RALY: variants seen among roughly 807,000 people sequenced by gnomAD.
RALY encodes the protein RNA-binding protein Raly.
Under a neutral mutation model 30.7 loss-of-function variants are expected in RALY, and 15 were observed. That is an observed-to-expected ratio of 0.49 (90% CI 0.33 to 0.75). The LOEUF (loss-of-function observed/expected upper bound fraction) is 0.75, where lower values mean the gene tolerates loss of function less well. Among genes scored for constraint, RALY ranks in the 30% least tolerant of loss-of-function variants. RALY has a pLI of 0.02. For synonymous variants in RALY, 177 were observed against 170.8 expected (o/e 1.04, Z -0.28); for missense variants, 339 against 414.3 (o/e 0.82, Z 1.58).
At chr20:34,069,132 C>T (rs1288711752) in intron 2 of RALY, among the ~76,000 whole-genome samples, 5 of 152,194 alleles carry the variant, frequency 3.3e-5, no homozygotes, top group East Asian at 1.9e-4. Flanking sequence ...CTGGCTGCCC[C>T]TCCTTGGCAT....
chr20:34,066,882 G>A (rs1376407243), intron 2 of RALY, among the ~76,000 whole-genome samples: 2 of 152,140 alleles, frequency 1.3e-5, no homozygotes, highest in South Asian at 2.1e-4. Context: ...CTAAAATTCT[G>A]TACAACTGTG....
At chr20:34,069,548 A>C (rs1262126210) in intron 2 of RALY, among the ~76,000 whole-genome samples, 1 of 152,142 alleles carries the variant, frequency 6.6e-6, no homozygotes, top group Non-Finnish European at 1.5e-5. Context: ...GAGCTGAACC[A>C]CCTAGGAGAG....
chr20:34,051,730 G>A (rs2033085373), intron 2 of RALY, among the ~76,000 whole-genome samples: 1 of 152,038 alleles, frequency 6.6e-6, no homozygotes, highest in Admixed American at 6.5e-5. Flanking sequence ...CCAGTAGCTG[G>A]GGCTACAGGC....
intron 2 of RALY, among the ~76,000 whole-genome samples, chr20:34,036,868 C>T (rs1356322124): frequency 1.3e-5 from 2 of 151,634 alleles, no homozygotes; most frequent in Non-Finnish European, 2.9e-5. Flanking sequence ...GTTGATTTTG[C>T]TGGTGTTTTC....
intron 4 of RALY, 49 bp from the exon 5 acceptor site, chr20:34,073,770 G>T (rs750273638): frequency 2.5e-6 from 4 of 1,598,054 alleles, no homozygotes; most frequent in South Asian, 2.2e-5. Context: ...TGGAAAGTGG[G>T]CTGAGTGGCC....
At chr20:34,028,179 G>A (rs1486272992) in intron 1 of RALY, among the ~76,000 whole-genome samples, 1 of 151,808 alleles carries the variant, frequency 6.6e-6, no homozygotes, top group Non-Finnish European at 1.5e-5. Flanking sequence ...CTAGCTACTT[G>A]AGTGGCTGAG....
At chr20:34,063,496 A>T (rs552686415) in intron 2 of RALY, among the ~76,000 whole-genome samples, 1 of 152,342 alleles carries the variant, frequency 6.6e-6, no homozygotes. Context: ...AGTGCAGATG[A>T]TACTACATAT....
At chr20:34,058,790 A>C (rs1445840521) in intron 2 of RALY, among the ~76,000 whole-genome samples, 1 of 152,122 alleles carries the variant, frequency 6.6e-6, no homozygotes, top group South Asian at 2.1e-4. Context: ...ACATATAACC[A>C]CTCAGAGGAT....
At chr20:34,067,732 A>G (rs566200839) in intron 2 of RALY, among the ~76,000 whole-genome samples, 1 of 152,120 alleles carries the variant, frequency 6.6e-6, no homozygotes, top group African/African-American at 2.4e-5. Context: ...TTTATGCAGC[A>G]ATTGTTTCTC....
intron 1 of RALY, among the ~76,000 whole-genome samples, chr20:34,020,687 A>G (rs1459446706): frequency 6.6e-6 from 1 of 152,248 alleles, no homozygotes; most frequent in East Asian, 1.9e-4. Context: ...TTGCTTTTGC[A>G]CTACAGTGGC....
intron 9 of RALY, among the ~76,000 whole-genome samples, chr20:34,079,313 C>T (rs1218962790): frequency 2.0e-5 from 3 of 152,148 alleles, no homozygotes; most frequent in Non-Finnish European, 2.9e-5. Context: ...TGGATTTCAG[C>T]CCAGTGGTGT....
intron 1 of RALY, among the ~76,000 whole-genome samples, chr20:34,010,633 G>C (rs1425062246): frequency 6.6e-6 from 1 of 152,270 alleles, no homozygotes; most frequent in Middle Eastern, 3.4e-3. Flanking sequence ...GAGTACTGTG[G>C]TAATTTCCAT....
intron 2 of RALY, among the ~76,000 whole-genome samples, chr20:34,046,659 T>C (rs1045015319): frequency 6.6e-6 from 1 of 152,166 alleles, no homozygotes; most frequent in Non-Finnish European, 1.5e-5. Context: ...AAAAAGTTAA[T>C]TTTTAAAAAG....
intron 2 of RALY, among the ~76,000 whole-genome samples, chr20:34,055,932 C>G (rs1396296007): frequency 6.6e-6 from 1 of 152,160 alleles, no homozygotes; most frequent in African/African-American, 2.4e-5. Context: ...GGAGAGGAGA[C>G]TAATACATGA....
Position 34,072,317 on chromosome 20 carries a change from C to T in RALY, c.243C>T (p.Ala81=), listed in dbSNP as rs373615728. 27 of 1,612,478 alleles carry T rather than the reference C, an allele frequency of 1.7e-5. No homozygotes were observed. Among genetic ancestry groups the T allele is most frequent in the African/African-American group, 8.0e-5 (6 of 75,034 alleles). The change falls in exon 3 of 10, where the codon GCC becomes GCT. Residue 81 remains alanine (A), a synonymous_variant. Transcript: ENST00000246194. ...TGGGAGAGAATGGGCGGGTGCTGGC[C>T]GGGCAGACCCTGGGTAAGCCTCTCT... is the stretch of plus-strand genomic sequence containing the variant. ...AVLGENGRVL[A]GQTLDINMAG...
rs189340141 is a variant in RALY, at chr20:34,004,860, A to G, written c.-93+10729A>G. Reference sequence around the variant, plus strand: ...TATATTTGCTCAGGGAAAAATTGCCATTTCTTTGTCAGCTTTTATCCTGCC... The same window carrying G: ...TATATTTGCTCAGGGAAAAATTGCCGTTTCTTTGTCAGCTTTTATCCTGCC... On this transcript the variant is annotated intron_variant, in intron 1 of 9. Coordinates refer to ENST00000246194, the MANE Select transcript of RALY (RefSeq NM_016732.3). Among the ~76,000 whole-genome samples the G allele has an allele frequency of 8.4e-4, 128 of 152,248 alleles. 1 individual carries two copies. Among genetic ancestry groups the G allele is most frequent in the African/African-American group, 2.7e-3 (114 of 41,536 alleles).
intron 2 of RALY, among the ~76,000 whole-genome samples, chr20:34,055,393 A>G (rs2033210712): frequency 6.6e-6 from 1 of 152,184 alleles, no homozygotes; most frequent in African/African-American, 2.4e-5. Context: ...TCCTGGCTTT[A>G]GCATCTGTGC....
intron 5 of RALY, 89 bp from the exon 6 acceptor site, chr20:34,075,785 A>G: frequency 7.1e-7 from 1 of 1,417,004 alleles, no homozygotes; most frequent in Admixed American, 2.2e-5. Flanking sequence ...CCAGCCCCTC[A>G]CCAGCCACAC....
intron 1 of RALY, among the ~76,000 whole-genome samples, chr20:34,021,608 G>A (rs1223599902): frequency 6.6e-6 from 1 of 152,044 alleles, no homozygotes; most frequent in African/African-American, 2.4e-5. Flanking sequence ...GTTGCTTTGG[G>A]GATTAAGTTT....
Sources: allele counts gnomAD v4.1 joint callset (sites outside exome capture counted in the v4.1 genomes callset), GRCh38; gene constraint gnomAD v4.1.1; transcripts MANE v1.5; gene names NCBI Gene and HGNC (gene_info 2026-07-23, HGNC 2026-07-21).